TANC2: variants seen among roughly 807,000 people sequenced by gnomAD.
TANC2 encodes the protein tetratricopeptide repeat, ankyrin repeat and coiled-coil containing 2.
Under a neutral mutation model 210.5 loss-of-function variants are expected in TANC2, and 26 were observed. That is an observed-to-expected ratio of 0.12 (90% confidence interval 0.09 to 0.17). TANC2 has a LOEUF of 0.17. TANC2 is among the 10% of genes least tolerant of loss of function. The pLI, the probability that TANC2 is intolerant of heterozygous loss-of-function variation, is 1.00. For missense variants in TANC2, 2,129 were observed against 2,608.9 expected, an observed-to-expected ratio of 0.82 and a Z score of 4.01; for synonymous variants, 931 against 967.1, an observed-to-expected ratio of 0.96 and a Z score of 0.69.
intron 5 of TANC2, among the ~76,000 whole-genome samples, chr17:63,189,990 G>A (rs376094939): frequency 7.2e-5 from 11 of 152,238 alleles, no homozygotes; most frequent in Admixed American, 2.6e-4. Context: ...TCCCAACACC[G>A]TTGAAGAGAT....
chr17:63,141,888 C>T (rs892929439), intron 4 of TANC2, among the ~76,000 whole-genome samples: 1 of 151,934 alleles, frequency 6.6e-6, no homozygotes, highest in South Asian at 2.1e-4. Context: ...AGAAAACTAC[C>T]GTCTATAGAT....
intron 5 of TANC2, among the ~76,000 whole-genome samples, chr17:63,165,866 A>T (rs1302747456): frequency 6.6e-6 from 1 of 152,232 alleles, no homozygotes; most frequent in African/African-American, 2.4e-5. Flanking sequence ...TATGTCAAAC[A>T]TATGTCTGTT....
intron 10 of TANC2, 104 bp from the exon 11 acceptor site, chr17:63,318,840 TCTTAAGTATATAC>T (rs1211663088): frequency 5.0e-6 from 6 of 1,210,160 alleles, no homozygotes; most frequent in Non-Finnish European, 7.0e-6. Flanking sequence ...TTTTTATTTC[TCTTAAGTATATAC>T]TTAGGAGCAG....
At chr17:63,307,353 T>A (rs2044952035) in intron 9 of TANC2, among the ~76,000 whole-genome samples, 1 of 152,200 alleles carries the variant, frequency 6.6e-6, no homozygotes, top group Non-Finnish European at 1.5e-5. Context: ...TCTTATTTTA[T>A]GAGCTCCTTA....
intron 6 of TANC2, among the ~76,000 whole-genome samples, chr17:63,198,338 G>A (rs955844761): frequency 6.6e-6 from 1 of 152,036 alleles, no homozygotes; most frequent in African/African-American, 2.4e-5. Context: ...GGGAGTAGAG[G>A]CATGCACCAC....
chr17:63,384,431 A>C (rs531460539), intron 15 of TANC2, among the ~76,000 whole-genome samples: 1 of 152,262 alleles, frequency 6.6e-6, no homozygotes, highest in Admixed American at 6.5e-5. Flanking sequence ...ATTAATATAT[A>C]TAATCCTCAG....
intron 4 of TANC2, among the ~76,000 whole-genome samples, chr17:63,100,471 T>G (rs1276162060): frequency 6.6e-6 from 1 of 152,132 alleles, no homozygotes; most frequent in East Asian, 1.9e-4. Context: ...TAAAATAGCC[T>G]AAAAACATAA....
chr17:63,190,606 G>A (rs112204233), intron 5 of TANC2, among the ~76,000 whole-genome samples: 174 of 152,216 alleles, frequency 1.1e-3, no homozygotes, highest in Non-Finnish European at 1.9e-3. Context: ...GAAAGGAAGC[G>A]AGTAAGCAAG....
intron 9 of TANC2, among the ~76,000 whole-genome samples, chr17:63,282,626 T>TTG (rs1264923867): frequency 6.6e-6 from 1 of 152,124 alleles, no homozygotes; most frequent in Admixed American, 6.6e-5. Context: ...TTCAAAGTGG[T>TTG]TGTATCATTT....
intron 7 of TANC2, among the ~76,000 whole-genome samples, chr17:63,237,494 T>C (rs2042653287): frequency 6.6e-6 from 1 of 152,144 alleles, no homozygotes; most frequent in Non-Finnish European, 1.5e-5. Context: ...GTTTTTGTTT[T>C]TGTTGCCTGT....
chr17:63,415,472 T>G, intron 25 of TANC2, 56 bp from the exon 26 acceptor site: 4 of 1,597,174 alleles, frequency 2.5e-6, no homozygotes, highest in Non-Finnish European at 3.4e-6. Context: ...GGGACCACAC[T>G]TCCTCAGCTG....
intron 5 of TANC2, among the ~76,000 whole-genome samples, chr17:63,181,051 AGAG>A (rs2040766943): frequency 6.8e-6 from 1 of 146,148 alleles, no homozygotes; most frequent in Non-Finnish European, 1.5e-5. Context: ...AAAAAAAAAA[AGAG>A]TAGGCATAGT....
At chr17:63,153,436 A>G (rs906256020) in intron 5 of TANC2, 1 of 152,180 alleles carries the variant, frequency 6.6e-6, no homozygotes, top group Non-Finnish European at 1.5e-5. Context: ...GGCAACAATC[A>G]CAAACTGAAG....
intron 7 of TANC2, among the ~76,000 whole-genome samples, chr17:63,211,398 G>A (rs776515782): frequency 3.3e-5 from 5 of 151,974 alleles, no homozygotes; most frequent in African/African-American, 9.6e-5. Context: ...TTGTTCTAGC[G>A]GCAATAGTTT....
At chr17:63,139,670 C>T (rs1374387242) in intron 4 of TANC2, among the ~76,000 whole-genome samples, 1 of 152,098 alleles carries the variant, frequency 6.6e-6, no homozygotes, top group Admixed American at 6.5e-5. Context: ...CTTTGGGAGG[C>T]TGAGGAGTAT....
intron 4 of TANC2, among the ~76,000 whole-genome samples, chr17:63,108,789 C>T (rs2037922052): frequency 6.6e-6 from 1 of 151,102 alleles, no homozygotes. Flanking sequence ...AGCCTGGTGA[C>T]AGAGCAAGAC....
chr17:63,201,893 G>C (rs1199952188), intron 7 of TANC2, among the ~76,000 whole-genome samples: 1 of 152,024 alleles, frequency 6.6e-6, no homozygotes, highest in East Asian at 1.9e-4. Flanking sequence ...AACACCTCTT[G>C]CTATGAAAAT....
intron 4 of TANC2, among the ~76,000 whole-genome samples, chr17:63,125,980 C>T (rs942034644): frequency 6.6e-5 from 10 of 152,144 alleles, no homozygotes; most frequent in Non-Finnish European, 1.5e-4. Flanking sequence ...TGTCCTTGGG[C>T]AAGTAACTTA....
At chr17:62,996,921 C>A (rs907134113) in intron 1 of TANC2, among the ~76,000 whole-genome samples, 7 of 148,384 alleles carry the variant, frequency 4.7e-5, no homozygotes, top group African/African-American at 1.8e-4. Context: ...TCAAGTGATT[C>A]TCTTGCCTCA....
Sources: gnomAD v4.1 joint callset for allele counts (sites outside exome capture counted in the v4.1 genomes callset) on GRCh38, gnomAD v4.1.1 for gene constraint, MANE v1.5 for transcripts, NCBI Gene and HGNC (gene_info 2026-07-23, HGNC 2026-07-21) for gene names.